CDK14: variants seen among roughly 807,000 people sequenced by gnomAD.
CDK14 encodes the protein cyclin dependent kinase 14, also known as cyclin-dependent kinase 14.
CDK14 carries 34 observed loss-of-function variants against 60.7 expected under a neutral mutation model. The observed-to-expected ratio is 0.56, with a 90% CI of 0.43 to 0.75. The LOEUF is 0.75. Ranked by LOEUF, CDK14 falls within the 30% of genes least tolerant of loss-of-function variation. The probability of loss-of-function intolerance (pLI) is 0.00; values close to 1 mark genes in which losing one functional copy is unlikely to be tolerated. For synonymous variants in CDK14, 197 were observed against 203.7 expected (o/e 0.97, Z 0.28); for missense variants, 482 against 564.1 (o/e 0.85, Z 1.47).
intron 6 of CDK14, among the ~76,000 whole-genome samples, chr7:90,878,101 A>T (rs1390784714): frequency 2.0e-5 from 3 of 146,894 alleles, no homozygotes; most frequent in Non-Finnish European, 4.6e-5. Context: ...TGTGAGAGAG[A>T]GAGAGAGAGA....
chr7:91,112,937 G>A (rs1280024311), intron 13 of CDK14, among the ~76,000 whole-genome samples: 1 of 151,708 alleles, frequency 6.6e-6, no homozygotes, highest in African/African-American at 2.4e-5. Context: ...TCATTTGCTA[G>A]CTTACCAGAC....
intron 5 of CDK14, among the ~76,000 whole-genome samples, chr7:90,843,748 C>T (rs3802026): frequency 0.031 from 4,707 of 152,094 alleles, 105 homozygotes; most frequent in South Asian, 0.1. Flanking sequence ...TGAAAGTCCA[C>T]CTGATGATTA....
intron 2 of CDK14, among the ~76,000 whole-genome samples, chr7:90,687,231 G>T (rs925005078): frequency 6.6e-6 from 1 of 152,078 alleles, no homozygotes; most frequent in Admixed American, 6.6e-5. Context: ...TGAGGGATAC[G>T]TGTAGGGTAG....
At chr7:90,925,927 T>C (rs1457344460) in intron 8 of CDK14, among the ~76,000 whole-genome samples, 3 of 152,228 alleles carry the variant, frequency 2.0e-5, no homozygotes, top group Non-Finnish European at 4.4e-5. Flanking sequence ...TTTCAGATTT[T>C]TTAAATTGAA....
chr7:90,725,922 G>A (rs920336130), intron 2 of CDK14, among the ~76,000 whole-genome samples: 18 of 151,962 alleles, frequency 1.2e-4, no homozygotes, highest in African/African-American at 3.4e-4. Context: ...TGAAATGAAT[G>A]CTTTTTGGTG....
chr7:91,037,245 A>G (rs934690653), intron 10 of CDK14, among the ~76,000 whole-genome samples: 2 of 152,190 alleles, frequency 1.3e-5, no homozygotes, highest in South Asian at 2.1e-4. Flanking sequence ...CCATCAGAAT[A>G]CTACACATCC....
chr7:90,870,540 G>T (rs1791337671), intron 6 of CDK14, among the ~76,000 whole-genome samples: 1 of 152,136 alleles, frequency 6.6e-6, no homozygotes, highest in Non-Finnish European at 1.5e-5. Flanking sequence ...CCAACTTAGG[G>T]AATACATTCG....
At chr7:90,749,950 A>T (rs1483337195) in intron 4 of CDK14, among the ~76,000 whole-genome samples, 2 of 152,156 alleles carry the variant, frequency 1.3e-5, no homozygotes, top group Non-Finnish European at 2.9e-5. Flanking sequence ...ATAAATAAGG[A>T]TCAAGTATAT....
intron 5 of CDK14, among the ~76,000 whole-genome samples, chr7:90,835,050 A>G (rs1273151338): frequency 6.6e-6 from 1 of 152,208 alleles, no homozygotes; most frequent in Non-Finnish European, 1.5e-5. Flanking sequence ...AGGATGAGGC[A>G]GCAGGAGTGA....
intron 2 of CDK14, among the ~76,000 whole-genome samples, chr7:90,672,749 C>T (rs1332425761): frequency 2.0e-5 from 3 of 151,750 alleles, no homozygotes; most frequent in Non-Finnish European, 4.4e-5. Flanking sequence ...GCCTTGAACT[C>T]CTGGGTCATC....
chr7:91,076,511 A>C (rs762670348), intron 11 of CDK14, among the ~76,000 whole-genome samples: 3 of 152,192 alleles, frequency 2.0e-5, no homozygotes, highest in Non-Finnish European at 4.4e-5. Context: ...AAAATGAATT[A>C]AAGACCTAAA....
intron 6 of CDK14, among the ~76,000 whole-genome samples, chr7:90,868,292 T>C (rs1025737716): frequency 7.0e-6 from 1 of 142,514 alleles, no homozygotes; most frequent in Non-Finnish European, 1.5e-5. Context: ...ATATACACAC[T>C]ATATATATAT....
At chr7:90,870,952 A>C (rs996880576) in intron 6 of CDK14, among the ~76,000 whole-genome samples, 1 of 152,220 alleles carries the variant, frequency 6.6e-6, no homozygotes, top group South Asian at 2.1e-4. Flanking sequence ...AAGAATAGAA[A>C]TCTAGTTGTT....
At chr7:91,138,292 T>G (rs960623043) in intron 14 of CDK14, among the ~76,000 whole-genome samples, 1 of 152,216 alleles carries the variant, frequency 6.6e-6, no homozygotes, top group Non-Finnish European at 1.5e-5. Context: ...AAGCCCATTT[T>G]GTGATTTCGT....
chr7:91,131,849 C>T (rs761500022), intron 14 of CDK14, among the ~76,000 whole-genome samples: 6 of 152,140 alleles, frequency 3.9e-5, no homozygotes, highest in Non-Finnish European at 7.4e-5. Context: ...AACTCGTTTA[C>T]GGTTTTATCC....
At chr7:91,096,831 T>G (rs1411362089) in intron 12 of CDK14, among the ~76,000 whole-genome samples, 2 of 152,160 alleles carry the variant, frequency 1.3e-5, no homozygotes, top group Non-Finnish European at 2.9e-5. Flanking sequence ...TGGCCTGACA[T>G]GAGATGCCTA....
chr7:91,016,222 A>G (rs1466319370), intron 10 of CDK14, among the ~76,000 whole-genome samples: 2 of 152,166 alleles, frequency 1.3e-5, no homozygotes, highest in East Asian at 3.8e-4. Context: ...ATTTGAGAAT[A>G]TTTGAAAACC....
At chr7:91,028,366 C>A (rs1796663865) in intron 10 of CDK14, among the ~76,000 whole-genome samples, 1 of 152,122 alleles carries the variant, frequency 6.6e-6, no homozygotes, top group African/African-American at 2.4e-5. Flanking sequence ...CCATATATTG[C>A]ATATTGCATA....
intron 2 of CDK14, among the ~76,000 whole-genome samples, chr7:90,678,644 A>AT (rs138375889): frequency 0.08 from 11,964 of 150,202 alleles, 492 homozygotes; most frequent in South Asian, 0.1. Context: ...TAACCTTTTC[A>AT]TTTTTTTTTT....
Sources: gnomAD v4.1 joint callset for allele counts (sites outside exome capture counted in the v4.1 genomes callset) on GRCh38, gnomAD v4.1.1 for gene constraint, MANE v1.5 for transcripts, NCBI Gene and HGNC (gene_info 2026-07-23, HGNC 2026-07-21) for gene names.